The following PRKG1 variants were observed in gnomAD, a reference collection of about 807,000 sequenced individuals.
PRKG1 encodes the protein protein kinase cGMP-dependent 1, also known as cGMP-dependent protein kinase 1.
PRKG1 carries 35 observed loss-of-function variants against 88.1 expected under a neutral mutation model. The observed-to-expected ratio is 0.40, with a 90% CI of 0.30 to 0.53. The LOEUF is 0.53. Among genes scored for constraint, PRKG1 ranks in the 20% least tolerant of loss-of-function variants. PRKG1 has a pLI of 0.59. For missense variants in PRKG1, 540 were observed against 839.8 expected (o/e 0.64, Z 4.41); for synonymous variants, 303 against 292.5 (o/e 1.04, Z -0.37).
At chr10:51,035,549 T>C (rs7074981) in intron 1 of PRKG1, among the ~76,000 whole-genome samples, 133,658 of 152,204 alleles carry the variant, frequency 0.88, 58,818 homozygotes, top group African/African-American at 0.93. Flanking sequence ...ATGCCTGCAT[T>C]CCAGTGCTAT....
intron 3 of PRKG1, among the ~76,000 whole-genome samples, chr10:51,611,483 T>TA (rs141915428): frequency 0.66 from 97,773 of 149,064 alleles, 36,012 homozygotes; most frequent in Non-Finnish European, 0.82. Context: ...TTGCCCTTTT[T>TA]TAAAAAAAAA....
chr10:52,185,575 T>C (rs1455308012), intron 9 of PRKG1, among the ~76,000 whole-genome samples: 1 of 152,114 alleles, frequency 6.6e-6, no homozygotes, highest in Non-Finnish European at 1.5e-5. Context: ...AATGACCTGG[T>C]GGGGACTCTT....
At chr10:52,097,249 G>A (rs1039450563) in intron 7 of PRKG1, among the ~76,000 whole-genome samples, 11 of 152,112 alleles carry the variant, frequency 7.2e-5, no homozygotes, top group Non-Finnish European at 1.0e-4. Flanking sequence ...GACTTTTAAA[G>A]CATGCCCTAA....
chr10:52,213,704 C>T (rs995743608), intron 9 of PRKG1, among the ~76,000 whole-genome samples: 1 of 152,170 alleles, frequency 6.6e-6, no homozygotes, highest in Non-Finnish European at 1.5e-5. Flanking sequence ...GACTCTGACT[C>T]AGCAGTGGGA....
intron 2 of PRKG1, among the ~76,000 whole-genome samples, chr10:51,203,832 A>G (rs569499251): frequency 6.6e-6 from 1 of 152,334 alleles, no homozygotes; most frequent in African/African-American, 2.4e-5. Context: ...TTTCCTCCTC[A>G]GGGACAAAAC....
intron 1 of PRKG1, among the ~76,000 whole-genome samples, chr10:51,001,287 G>T (rs1321451562): frequency 1.3e-5 from 2 of 152,146 alleles, no homozygotes; most frequent in Non-Finnish European, 2.9e-5. Context: ...CCTCCTCCAG[G>T]CTCCTTCTTG....
chr10:51,638,198 C>T (rs969556385), intron 3 of PRKG1, among the ~76,000 whole-genome samples: 6 of 152,106 alleles, frequency 3.9e-5, no homozygotes, highest in African/African-American at 1.4e-4. Flanking sequence ...ATCTCTTTTT[C>T]TGTGAAGTTT....
chr10:51,014,892 A>G (rs965681759), intron 1 of PRKG1, among the ~76,000 whole-genome samples: 4 of 152,224 alleles, frequency 2.6e-5, no homozygotes, highest in Admixed American at 2.0e-4. Context: ...GGCTAAAAAT[A>G]AACAAAGACT....
chr10:51,894,474 A>G lies in PRKG1; in HGVS notation c.699-13033A>G, dbSNP rs546477105. 3.3e-5 allele frequency among the ~76,000 whole-genome samples: 5 copies of G among 152,316 alleles called. No individual in the cohort carries two copies. The East Asian group carries it at 9.6e-4, about 29-fold the overall frequency. On this transcript the variant is annotated intron_variant, in intron 4 of 17. Transcript: ENST00000373980. ...AAAGTTCTGGAGACAGACAGTGGTG[A>G]TGGTTGCATAACAATATGAATATTG... is the stretch of plus-strand genomic sequence containing the variant.
chr10:51,466,024 G>A (rs1839896866), intron 2 of PRKG1, among the ~76,000 whole-genome samples: 1 of 152,094 alleles, frequency 6.6e-6, no homozygotes, highest in African/African-American at 2.4e-5. Context: ...TTTGCCCAAG[G>A]TCATAAGGCC....
chr10:51,642,529 G>T (rs1193956440), intron 3 of PRKG1, among the ~76,000 whole-genome samples: 9 of 152,152 alleles, frequency 5.9e-5, no homozygotes, highest in Admixed American at 2.6e-4. Flanking sequence ...GAATTAGTCT[G>T]CATTTCTGCT....
chr10:52,184,021 C>A (rs1839118442), intron 9 of PRKG1, among the ~76,000 whole-genome samples: 1 of 152,174 alleles, frequency 6.6e-6, no homozygotes, highest in East Asian at 1.9e-4. Flanking sequence ...CTCCCTGCTG[C>A]CCTCCTGGGC....
At chr10:52,154,896 G>A (rs769927844) in intron 8 of PRKG1, among the ~76,000 whole-genome samples, 41 of 152,048 alleles carry the variant, frequency 2.7e-4, no homozygotes, top group Non-Finnish European at 1.9e-4. Flanking sequence ...CATGATATTT[G>A]GCTTTCCTTT....
intron 4 of PRKG1, among the ~76,000 whole-genome samples, chr10:51,897,201 A>T (rs1315341012): frequency 6.6e-6 from 1 of 152,252 alleles, no homozygotes; most frequent in East Asian, 1.9e-4. Context: ...TATAAGGTTG[A>T]GGACCTTTAA....
intron 3 of PRKG1, among the ~76,000 whole-genome samples, chr10:51,611,162 G>T (rs2132244472): frequency 6.6e-6 from 1 of 152,086 alleles, no homozygotes; most frequent in African/African-American, 2.4e-5. Flanking sequence ...TTGCTGGATA[G>T]TGTGACAGTA....
chr10:52,154,494 A>C (rs1488024472), intron 8 of PRKG1, among the ~76,000 whole-genome samples: 1 of 152,222 alleles, frequency 6.6e-6, no homozygotes, highest in Non-Finnish European at 1.5e-5. Context: ...GAATTCAGTC[A>C]TCCTTAGAAA....
chr10:51,817,125 T>G (rs1220073606), intron 4 of PRKG1, among the ~76,000 whole-genome samples: 1 of 152,148 alleles, frequency 6.6e-6, no homozygotes, highest in Non-Finnish European at 1.5e-5. Flanking sequence ...ACACTTAGCA[T>G]TGCTTCTTGA....
intron 7 of PRKG1, among the ~76,000 whole-genome samples, chr10:52,082,766 A>G (rs1312913844): frequency 2.0e-5 from 3 of 152,108 alleles, no homozygotes; most frequent in Admixed American, 1.3e-4. Context: ...GAGGATGATC[A>G]TTTTTACATT....
intron 5 of PRKG1, among the ~76,000 whole-genome samples, chr10:51,971,831 A>C (rs1457517995): frequency 6.6e-6 from 1 of 152,184 alleles, no homozygotes; most frequent in African/African-American, 2.4e-5. Context: ...CCTTGAAAAA[A>C]TATTTGCTAT....
Sources: allele counts gnomAD v4.1 joint callset (sites outside exome capture counted in the v4.1 genomes callset), GRCh38; gene constraint gnomAD v4.1.1; transcripts MANE v1.5; gene names NCBI Gene and HGNC (gene_info 2026-07-23, HGNC 2026-07-21).